The following TMEM200A variants were observed in gnomAD, a reference collection of about 807,000 sequenced individuals.
TMEM200A encodes the protein transmembrane protein 200A.
A neutral mutation model predicts 24.3 loss-of-function variants in TMEM200A; 12 were observed. The ratio of observed to expected loss-of-function variants is 0.49; its 90% CI spans 0.32 to 0.80. TMEM200A has a LOEUF of 0.80. Ranked by LOEUF, TMEM200A falls within the 30% of genes least tolerant of loss-of-function variation. TMEM200A has a pLI of 0.04. For synonymous variants in TMEM200A, 224 were observed against 224.4 expected (o/e 1.00, Z 0.02); for missense variants, 545 against 614.4 (o/e 0.89, Z 1.19).
At chr6:130,424,817 T>C (rs1169301833) in intron 2 of TMEM200A, among the ~76,000 whole-genome samples, 6 of 152,072 alleles carry the variant, frequency 3.9e-5, no homozygotes, top group Non-Finnish European at 4.4e-5. Context: ...TGATAGAAGG[T>C]TATGCTTCTT....
At chr6:130,399,283 A>G (rs1779027776) in intron 2 of TMEM200A, among the ~76,000 whole-genome samples, 1 of 152,018 alleles carries the variant, frequency 6.6e-6, no homozygotes, top group African/African-American at 2.4e-5. Context: ...AGAACTTAGT[A>G]TATTTCTTCA....
In TMEM200A at chr6:130,440,502, ACCTCAG is replaced by A; in HGVS notation, c.83_88del (p.Leu28_Ser29del). On this transcript the variant is annotated inframe_deletion, in exon 3 of 3. Transcript: ENST00000296978. Reference sequence around the variant, plus strand: ...TCTGCCAGATCACAGCAGCATGTCAACCTCAGCCCGTCTCCTGCTACCCAAGAGAAG... The same window carrying A: ...TCTGCCAGATCACAGCAGCATGTCAACCCGTCTCCTGCTACCCAAGAGAAG... 1 of 1,613,938 alleles carries A rather than the reference ACCTCAG, an allele frequency of 6.2e-7. No individual in the cohort carries two copies. Among genetic ancestry groups the A allele is most frequent in the Non-Finnish European group, 8.5e-7 (1 of 1,179,934 alleles).
rs1780124271 is a variant in TMEM200A at position 130,440,307 on chromosome 6, A to G, written c.-16-100A>G. On this transcript the variant is annotated intron_variant, in intron 2 of 2. Coordinates refer to ENST00000296978, the MANE Select transcript of TMEM200A (RefSeq NM_001258277.2). The stretch of plus-strand genomic sequence containing the variant: ...CCATTTAATCACATGAAACTGCAAC[A>G]GCAACAAAAATTCTGTGTAAACAGT... The G allele has an allele frequency of 3.2e-6, 4 of 1,267,504 alleles. No individual in the cohort carries two copies. In the African/African-American group the frequency reaches 4.6e-5, roughly 14 times the overall value. The allele number at this position is 1,267,504 out of a possible 1,614,324, so 78.5% of individuals were successfully genotyped here.
At chr6:130,435,232 G>A (rs1779973463) in intron 2 of TMEM200A, among the ~76,000 whole-genome samples, 1 of 151,918 alleles carries the variant, frequency 6.6e-6, no homozygotes, top group African/African-American at 2.4e-5. Flanking sequence ...CAATTCACCC[G>A]CCTTGGCCTT....
At chr6:130,431,323 G>T (rs950409185) in intron 2 of TMEM200A, among the ~76,000 whole-genome samples, 1 of 152,172 alleles carries the variant, frequency 6.6e-6, no homozygotes, top group Non-Finnish European at 1.5e-5. Flanking sequence ...TTTTCCAGCA[G>T]TGGAGGGGTC....
At chr6:130,434,493 G>A (rs71572925) in intron 2 of TMEM200A, among the ~76,000 whole-genome samples, 2,089 of 152,260 alleles carry the variant, frequency 0.014, 20 homozygotes, top group Non-Finnish European at 0.022. Flanking sequence ...AGTGTGGTCA[G>A]AATAGTGTGA....
rs112954965 is a variant in TMEM200A, at chr6:130,413,019, G to A, written c.-16-27388G>A. ...TATGTATGTACAATAAATTACTTAGGAGTAAGTTGTCTTCAGAGGATTTTG... is the reference window on the plus strand; with the variant it reads ...TATGTATGTACAATAAATTACTTAGAAGTAAGTTGTCTTCAGAGGATTTTG... On this transcript the variant is annotated intron_variant, in intron 2 of 2. Transcript: ENST00000296978. 3.0e-4 allele frequency among the ~76,000 whole-genome samples: 45 copies of A among 152,246 alleles called. 1 individual carries two copies. Among genetic ancestry groups the A allele is most frequent in the African/African-American group, 1.0e-3 (42 of 41,538 alleles).
At chr6:130,415,319 A>C (rs1049710867) in intron 2 of TMEM200A, among the ~76,000 whole-genome samples, 2 of 152,100 alleles carry the variant, frequency 1.3e-5, no homozygotes, top group African/African-American at 2.4e-5. Context: ...GGGATTTGGG[A>C]GAATGAGCAG....
At chr6:130,421,971 G>A (rs1388997172) in intron 2 of TMEM200A, among the ~76,000 whole-genome samples, 1 of 152,118 alleles carries the variant, frequency 6.6e-6, no homozygotes, top group Non-Finnish European at 1.5e-5. Context: ...GGACATTTAG[G>A]TTGATTCTAT....
chr6:130,381,663 G>A (rs139487706), intron 1 of TMEM200A, among the ~76,000 whole-genome samples: 11 of 152,300 alleles, frequency 7.2e-5, no homozygotes, highest in Middle Eastern at 6.8e-3. Context: ...CTTGTGCTAT[G>A]CCATACAGAC....
chr6:130,439,725 G>A (rs1780105723), intron 2 of TMEM200A, among the ~76,000 whole-genome samples: 1 of 152,168 alleles, frequency 6.6e-6, no homozygotes, highest in South Asian at 2.1e-4. Context: ...AGTCAGTGAG[G>A]TCAGAGTAGA....
intron 1 of TMEM200A, among the ~76,000 whole-genome samples, chr6:130,376,785 A>G (rs1778466022): frequency 6.6e-6 from 1 of 152,156 alleles, no homozygotes; most frequent in Non-Finnish European, 1.5e-5. Context: ...TCCCTGGTTA[A>G]GTAGGAATCT....
At chr6:130,414,655 A>G (rs755269832) in intron 2 of TMEM200A, among the ~76,000 whole-genome samples, 5 of 152,186 alleles carry the variant, frequency 3.3e-5, no homozygotes, top group Admixed American at 3.3e-4. Context: ...GAATATATGC[A>G]TGGTCTCTCT....
At position 130,436,631 on chromosome 6, in the gene TMEM200A, CTTTTTTTTTTT is replaced by C. The variant is rs1203926640; in HGVS notation, c.-16-3755_-16-3745del. Among the ~76,000 whole-genome samples, 620 of 92,948 alleles carry C rather than the reference CTTTTTTTTTTT, an allele frequency of 6.7e-3. 6 individuals carry two copies. The highest frequency in any genetic ancestry group is 8.1e-3 in the Non-Finnish European group (406 of 50,192). The allele number at this position is 92,948 out of a possible 152,430, so 61.0% of individuals were successfully genotyped here. ...TCACTAGGCTTCGTTTTTCTTTATC[CTTTTTTTTTTT>C]TTTTTTTTTTTTTTTTTTTTCAGAG... On this transcript the variant is annotated intron_variant, in intron 2 of 2. Transcript: ENST00000296978.
In TMEM200A at chr6:130,435,059, A is replaced by C. The variant is rs1779969184; in HGVS notation, c.-16-5348A>C. ...GGTTTGTGAGCACTGGGAATGAAAAAAAAAAAAAAGATGATCAATATGTAG... is the reference window on the plus strand; with the variant it reads ...GGTTTGTGAGCACTGGGAATGAAAACAAAAAAAAAGATGATCAATATGTAG... On this transcript the variant is annotated intron_variant, in intron 2 of 2. Coordinates refer to ENST00000296978, the MANE Select transcript of TMEM200A (RefSeq NM_001258277.2). Among the ~76,000 whole-genome samples the C allele has an allele frequency of 2.6e-5, 4 of 151,996 alleles. No homozygotes were observed. The South Asian group carries it at 6.2e-4, about 24-fold the overall frequency.
rs1181946414 is a variant in TMEM200A, at chr6:130,378,601, G to C, written c.-80-6572G>C. Among the ~76,000 whole-genome samples the C allele has an allele frequency of 1.4e-4, 22 of 151,782 alleles. 1 individual carries two copies. Among genetic ancestry groups the C allele is most frequent in the Admixed American group, 1.4e-3 (22 of 15,210 alleles). ...TAGCCGGGCATGGTGGCTCATGCCT[G>C]TAATCCCAGCTACTTGGGAGGCTGA... On this transcript the variant is annotated intron_variant, in intron 1 of 2. Transcript: ENST00000296978.
At chr6:130,403,050 T>A (rs1404518265) in intron 2 of TMEM200A, among the ~76,000 whole-genome samples, 1 of 152,080 alleles carries the variant, frequency 6.6e-6, no homozygotes, top group East Asian at 1.9e-4. Flanking sequence ...ATTGTTTCCA[T>A]CCCTGGCTGT....
intron 2 of TMEM200A, among the ~76,000 whole-genome samples, chr6:130,409,786 C>T (rs1004630807): frequency 1.3e-5 from 2 of 151,032 alleles, no homozygotes; most frequent in African/African-American, 4.9e-5. Flanking sequence ...GGCAGTTATT[C>T]TCTATGGAAT....
intron 2 of TMEM200A, among the ~76,000 whole-genome samples, chr6:130,436,346 G>A (rs1298986126): frequency 6.6e-6 from 1 of 151,860 alleles, no homozygotes; most frequent in Non-Finnish European, 1.5e-5. Flanking sequence ...AAACTTAGAA[G>A]AGTATGGCTT....
Sources: gnomAD v4.1 joint callset for allele counts (sites outside exome capture counted in the v4.1 genomes callset) on GRCh38, gnomAD v4.1.1 for gene constraint, MANE v1.5 for transcripts, NCBI Gene and HGNC (gene_info 2026-07-23, HGNC 2026-07-21) for gene names.